Variants in KIF17 observed in about 807,000 individuals in gnomAD.
KIF17 encodes kinesin family member 17, also known as kinesin-like protein KIF17.
KIF17 carries 80 observed loss-of-function variants against 96.8 expected under a neutral mutation model. The observed-to-expected ratio is 0.83, with a 90% CI of 0.69 to 1.00. The LOEUF (loss-of-function observed/expected upper bound fraction) is 1.00. KIF17 is among the 50% of genes least tolerant of loss of function. KIF17 has a pLI of 0.00. For synonymous variants in KIF17, 567 were observed against 587.5 expected, an observed-to-expected ratio of 0.97 and a Z score of 0.51; for missense variants, 1,280 against 1,372.9, an observed-to-expected ratio of 0.93 and a Z score of 1.07.
chr1:20,704,851 T>C lies in KIF17; in HGVS notation c.719A>G (p.Asp240Gly). Reference protein sequence around the residue: ...HLRAGKLNLVDLAGSERQSKT... With the variant: ...HLRAGKLNLVGLAGSERQSKT... ...GGACTGCCGCTCGCTGCCCGCCAGG[T>C]CCACCAGGTTCAGCTTGCCCGCCCG... is the stretch of plus-strand genomic sequence containing the variant. Residue 240 changes from aspartate (D) to glycine (G), a missense_variant, in exon 5 of 15, where the codon GAC becomes GGC. By Grantham distance (94) the Asp-to-Gly change is moderately conservative. Transcript: ENST00000400463. This position sits in a 1 kb window ranked among gnomAD's most constrained non-coding sequence, Gnocchi z 6.8. The C allele has an allele frequency of 6.2e-7, 1 of 1,603,800 alleles. No homozygotes were observed. The highest frequency in any genetic ancestry group is 8.5e-7 in the Non-Finnish European group (1 of 1,179,886).
intron 6 of KIF17, among the ~76,000 whole-genome samples, chr1:20,695,249 G>A (rs1172326141): frequency 1.3e-5 from 2 of 151,980 alleles, no homozygotes; most frequent in African/African-American, 2.4e-5. Context: ...GTGCAGTGGC[G>A]CCATCTCGGC....
intron 6 of KIF17, among the ~76,000 whole-genome samples, chr1:20,691,454 GCTT>G (rs2054037751): frequency 1.3e-5 from 2 of 150,434 alleles, no homozygotes; most frequent in South Asian, 2.1e-4. Context: ...GCCTCTCAGT[GCTT>G]CTTTTTTTTT....
intron 7 of KIF17, among the ~76,000 whole-genome samples, chr1:20,689,226 G>A (rs181497649): frequency 4.6e-5 from 7 of 152,256 alleles, no homozygotes; most frequent in East Asian, 3.9e-4. Flanking sequence ...CCGACGGTGC[G>A]ATCAGTATCA....
chr1:20,683,241 T>G (rs539123828), intron 10 of KIF17, among the ~76,000 whole-genome samples: 2 of 152,364 alleles, frequency 1.3e-5, no homozygotes, highest in South Asian at 4.1e-4. Flanking sequence ...CCCTGGGTTG[T>G]GAAAAATGTT....
At chr1:20,711,470 G>C (rs2054435440) in intron 3 of KIF17, among the ~76,000 whole-genome samples, 1 of 152,236 alleles carries the variant, frequency 6.6e-6, no homozygotes. Context: ...CTGCGGAGAG[G>C]CCAGAGCCGG....
chr1:20,689,232 TATC>T (rs375036751), intron 7 of KIF17, among the ~76,000 whole-genome samples: 3 of 152,240 alleles, frequency 2.0e-5, no homozygotes, highest in African/African-American at 7.2e-5. Context: ...GTGCGATCAG[TATC>T]ATCATCATTC....
chr1:20,710,890 T>C (rs2054423763), intron 3 of KIF17, among the ~76,000 whole-genome samples: 1 of 151,872 alleles, frequency 6.6e-6, no homozygotes, highest in African/African-American at 2.4e-5. Flanking sequence ...TAGCTGTTAG[T>C]GGGGTCACAG....
intron 6 of KIF17, among the ~76,000 whole-genome samples, chr1:20,694,687 A>AT (rs1158380950): frequency 6.6e-6 from 1 of 152,234 alleles, no homozygotes; most frequent in Non-Finnish European, 1.5e-5. Flanking sequence ...GGGACGGAGA[A>AT]TAATTCAGAT....
intron 8 of KIF17, among the ~76,000 whole-genome samples, chr1:20,686,556 AG>A (rs2053942598): frequency 6.6e-6 from 1 of 152,058 alleles, no homozygotes; most frequent in African/African-American, 2.4e-5. Context: ...AGGAGAAAAT[AG>A]GACTTTTTTT....
At chr1:20,688,827 C>T (rs758702299) in intron 7 of KIF17, among the ~76,000 whole-genome samples, 1 of 152,184 alleles carries the variant, frequency 6.6e-6, no homozygotes, top group Non-Finnish European at 1.5e-5. Context: ...CTCCAAAGGG[C>T]ATAAAATGCT....
intron 6 of KIF17, among the ~76,000 whole-genome samples, chr1:20,694,541 G>A (rs536807451): frequency 6.6e-6 from 1 of 152,286 alleles, no homozygotes; most frequent in East Asian, 1.9e-4. Context: ...TGCCACTGTA[G>A]TAAGCCAGAG....
Position 20,685,037 on chromosome 1 carries a change from AC to A in KIF17, c.2020-18del. The A allele has an allele frequency of 6.4e-7, 1 of 1,568,940 alleles. No homozygotes were observed. Among genetic ancestry groups the A allele is most frequent in the Non-Finnish European group, 8.6e-7 (1 of 1,156,208 alleles). On this transcript the variant is annotated intron_variant, in intron 9 of 14. Coordinates refer to ENST00000400463, the MANE Select transcript of KIF17 (RefSeq NM_001122819.3). The surrounding 1 kb of genome is among the most constrained non-coding windows in gnomAD (Gnocchi z 4.1). ...ATCTACCTCCTGAGTGTGAAGAGAA[AC>A]CCAGGTGGAGGTGGGAAGGCCGCCC...
At position 20,685,313 on chromosome 1, in the gene KIF17, C is replaced by T. The variant is rs1008050951; in HGVS notation, c.2020-293G>A. The T allele has an allele frequency of 1.7e-6, 1 of 594,808 alleles. No homozygotes were observed. The highest frequency in any genetic ancestry group is 1.8e-5 in the African/African-American group (1 of 54,992). 36.8% of individuals were successfully genotyped at this position (594,808 alleles called of 1,614,324 possible). A position where few individuals can be genotyped will look rare whatever the true frequency, so the allele number is the denominator to read the frequency against. On this transcript the variant is annotated intron_variant, in intron 9 of 14. Coordinates refer to ENST00000400463, the MANE Select transcript of KIF17 (RefSeq NM_001122819.3). The surrounding 1 kb of genome is among the most constrained non-coding windows in gnomAD (Gnocchi z 4.1). ...TCTTAAAATAGAAACCGATCACATC[C>T]CGTTCCCGATGAGCCCCATGTGACT...
chr1:20,710,126 G>A (rs965051233), intron 3 of KIF17, among the ~76,000 whole-genome samples: 4 of 152,198 alleles, frequency 2.6e-5, no homozygotes, highest in Admixed American at 6.5e-5. Context: ...GGAGGAATCC[G>A]TAAAATAAGG....
In KIF17 at chr1:20,704,977, G is replaced by T; in HGVS notation, c.671-78C>A. The T allele has an allele frequency of 2.3e-6, 3 of 1,304,676 alleles. No individual in the cohort carries two copies. Among genetic ancestry groups the T allele is most frequent in the Non-Finnish European group, 3.3e-6 (3 of 918,340 alleles). The allele number at this position is 1,304,676 out of a possible 1,614,324, so 80.8% of individuals were successfully genotyped here. On this transcript the variant is annotated intron_variant, in intron 4 of 14. Transcript: ENST00000400463. This position sits in a 1 kb window ranked among gnomAD's most constrained non-coding sequence, Gnocchi z 6.8. ...GAGGGCAATCAGTGCCAGGCACTGG[G>T]TGCTCAATGCCCACCCACCGAGGGT...
At chr1:20,689,256 T>C (rs2053994272) in intron 7 of KIF17, among the ~76,000 whole-genome samples, 1 of 152,056 alleles carries the variant, frequency 6.6e-6, no homozygotes, top group South Asian at 2.1e-4. Context: ...CAGGCCTGGA[T>C]TCTACACTAT....
chr1:20,695,295 C>T (rs893328220), intron 6 of KIF17, among the ~76,000 whole-genome samples: 8 of 152,218 alleles, frequency 5.3e-5, no homozygotes, highest in African/African-American at 1.9e-4. Flanking sequence ...TCAACCGATT[C>T]TCCTGCCTCA....
chr1:20,690,382 T>C (rs1462742576), intron 6 of KIF17, 47 bp from the exon 7 acceptor site: 6 of 1,567,530 alleles, frequency 3.8e-6, no homozygotes, highest in Admixed American at 1.7e-5. Flanking sequence ...TTTATCATCA[T>C]TTTGAAACCC....
chr1:20,690,144 G>A, intron 7 of KIF17, 44 bp downstream of exon 7: 1 of 1,611,184 alleles, frequency 6.2e-7, no homozygotes, highest in Non-Finnish European at 8.5e-7. Flanking sequence ...CGGAAAGGAG[G>A]CCACCTTCCC....
Sources: allele counts gnomAD v4.1 joint callset (sites outside exome capture counted in the v4.1 genomes callset), GRCh38; gene constraint gnomAD v4.1.1; non-coding constraint Gnocchi (gnomAD v3.1); transcripts MANE v1.5; gene names NCBI Gene and HGNC (gene_info 2026-07-23, HGNC 2026-07-21).